ZNF860: variants seen among roughly 807,000 people sequenced by gnomAD.
ZNF860 encodes the protein zinc finger protein 860.
For missense variants in ZNF860, 641 were observed against 759.2 expected, an observed-to-expected ratio of 0.84 and a Z score of 1.83; for synonymous variants, 206 against 248.9, an observed-to-expected ratio of 0.83 and a Z score of 1.62.
At chr3:31,995,763 C>T (rs912554642), downstream of ZNF860, among the ~76,000 whole-genome samples, 1 of 152,162 alleles carries the variant, frequency 6.6e-6, no homozygotes, top group Non-Finnish European at 1.5e-5. Context: ...TCTGCTGAGG[C>T]TCCAGCCGGT....
the ZNF860 span, among the ~76,000 whole-genome samples, chr3:32,004,993 TC>T: frequency 6.6e-6 from 1 of 152,344 alleles, no homozygotes; most frequent in East Asian, 1.9e-4. Context: ...TAGGATGGCA[TC>T]TTTATAAAAT....
At chr3:31,985,824 G>A (rs1424387806) in intron 1 of ZNF860, among the ~76,000 whole-genome samples, 2 of 152,192 alleles carry the variant, frequency 1.3e-5, no homozygotes, top group Non-Finnish European at 2.9e-5. Flanking sequence ...TCTGCTTTAA[G>A]TGTTTTACAC....
downstream of ZNF860, among the ~76,000 whole-genome samples, chr3:31,996,220 A>C (rs1019752153): frequency 6.6e-6 from 1 of 152,228 alleles, no homozygotes; most frequent in African/African-American, 2.4e-5. Flanking sequence ...TTCTAGAGAC[A>C]TAAAAGGGGG....
intron 1 of ZNF860, among the ~76,000 whole-genome samples, chr3:31,986,600 TTA>T (rs1428927816): frequency 2.6e-5 from 4 of 152,040 alleles, no homozygotes; most frequent in African/African-American, 7.3e-5. Flanking sequence ...AAAAAAAAGT[TTA>T]TATTTTTTTA....
Position 31,990,795 on chromosome 3 carries a change from C to G in ZNF860, c.1716C>G (p.Asp572Glu). 4 of 1,610,142 alleles carry G rather than the reference C, an allele frequency of 2.5e-6. No individual in the cohort carries two copies. Among genetic ancestry groups the G allele is most frequent in the Non-Finnish European group, 3.4e-6 (4 of 1,177,830 alleles). ...GEKPYKCDDFDEAFSQASSYA... is the reference protein window; with the variant it reads ...GEKPYKCDDFEEAFSQASSYA... ...AACCTTACAAATGTGATGATTTTGA[C>G]GAGGCCTTCAGTCAAGCTTCATCTT... Residue 572 changes from aspartate (D) to glutamate (E), a missense_variant, in exon 2 of 2, where the codon GAC becomes GAG. Asp to Glu is a conservative substitution (Grantham distance 45). Coordinates refer to ENST00000360311, the MANE Select transcript of ZNF860 (RefSeq NM_001137674.3).
intron 1 of ZNF860, among the ~76,000 whole-genome samples, chr3:31,986,746 C>A (rs1022017011): frequency 3.3e-5 from 5 of 152,104 alleles, no homozygotes; most frequent in African/African-American, 1.2e-4. Context: ...TGCAGTAGCT[C>A]ATGCATATAA....
chr3:31,990,872 A>T lies in ZNF860; in HGVS notation c.1793A>T (p.Asp598Val). The T allele has an allele frequency of 6.3e-7, 1 of 1,576,942 alleles. No individual in the cohort carries two copies. Among genetic ancestry groups the T allele is most frequent in the Non-Finnish European group, 8.6e-7 (1 of 1,160,008 alleles). ...GGAGAGAAACATCACAAGTGTGATG[A>T]TTGTGGCAAAGCCTTTACTTCACAT... is the stretch of plus-strand genomic sequence containing the variant. ...HMGEKHHKCD[D>V]CGKAFTSHSH... Residue 598 changes from aspartate (D) to valine (V), a missense_variant, in exon 2 of 2, where the codon GAT (aspartate) becomes GTT (valine). Coordinates refer to ENST00000360311, the MANE Select transcript of ZNF860 (RefSeq NM_001137674.3).
chr3:31,986,442 G>A, intron 1 of ZNF860: 1 of 152,238 alleles, frequency 6.6e-6, no homozygotes, highest in Non-Finnish European at 1.5e-5. Flanking sequence ...TGAATAAACA[G>A]CTCCATTAAG....
At chr3:31,986,802 C>T (rs1231179426) in intron 1 of ZNF860, among the ~76,000 whole-genome samples, 2 of 151,928 alleles carry the variant, frequency 1.3e-5, no homozygotes, top group Non-Finnish European at 2.9e-5. Context: ...CCCAGGAGTT[C>T]CAGACCAGCC....
the ZNF860 span, among the ~76,000 whole-genome samples, chr3:32,005,300 C>G: frequency 6.6e-6 from 1 of 152,166 alleles, no homozygotes; most frequent in Admixed American, 6.5e-5. Context: ...TAGGGCCTAA[C>G]TGCTGGAAAG....
chr3:31,992,201 T>C (rs140630677), downstream of ZNF860, among the ~76,000 whole-genome samples: 20 of 149,804 alleles, frequency 1.3e-4, no homozygotes, highest in East Asian at 3.3e-3. Flanking sequence ...TATGGACACA[T>C]AGAAATATGG....
At chr3:31,985,640 C>T (rs911724546) in intron 1 of ZNF860, among the ~76,000 whole-genome samples, 2 of 152,064 alleles carry the variant, frequency 1.3e-5, no homozygotes, top group Non-Finnish European at 2.9e-5. Flanking sequence ...ACTTCATTGG[C>T]CAGATGACAG....
chr3:32,005,316 C>T, the ZNF860 span, among the ~76,000 whole-genome samples: 2 of 152,120 alleles, frequency 1.3e-5, no homozygotes, highest in Non-Finnish European at 2.9e-5. Context: ...GAAAGTATTC[C>T]ACAGGTTGTA....
chr3:32,000,095 T>A, the ZNF860 span, among the ~76,000 whole-genome samples: 10 of 152,332 alleles, frequency 6.6e-5, no homozygotes, highest in East Asian at 1.9e-3. Flanking sequence ...TCAGCCTTCA[T>A]TTCCTCTGTC....
At chr3:32,005,164 C>T in the ZNF860 span, among the ~76,000 whole-genome samples, 4 of 152,206 alleles carry the variant, frequency 2.6e-5, no homozygotes, top group East Asian at 1.9e-4. Flanking sequence ...CACCCATCAA[C>T]GCGTCATCTA....
chr3:31,988,116 T>C (rs918357130), intron 1 of ZNF860, among the ~76,000 whole-genome samples: 3 of 152,206 alleles, frequency 2.0e-5, no homozygotes, highest in African/African-American at 7.2e-5. Context: ...CACTGATCGC[T>C]TTGCACCTCC....
At chr3:31,985,339 A>AT (rs34670956) in intron 1 of ZNF860, among the ~76,000 whole-genome samples, 4 of 152,252 alleles carry the variant, frequency 2.6e-5, no homozygotes, top group African/African-American at 9.6e-5. Flanking sequence ...CTTAGAAAAA[A>AT]TTTTAAACGT....
At chr3:31,998,037 C>T in the ZNF860 span, among the ~76,000 whole-genome samples, 1 of 152,126 alleles carries the variant, frequency 6.6e-6, no homozygotes, top group African/African-American at 2.4e-5. Context: ...AAGCAGTCCT[C>T]CCGCCTCGGC....
In ZNF860 at chr3:31,991,092, C is replaced by T; in HGVS notation, c.*114C>T. The T allele has an allele frequency of 9.5e-7, 1 of 1,049,944 alleles. No homozygotes were observed. Among genetic ancestry groups the T allele is most frequent in the Non-Finnish European group, 1.4e-6 (1 of 721,148 alleles). 65.0% of individuals were successfully genotyped at this position (1,049,944 alleles called of 1,614,324 possible). On this transcript the variant is annotated 3_prime_UTR_variant, in exon 2 of 2. Transcript: ENST00000360311. ...GACATTAGAGTCAATTCAGCATTGA[C>T]TTGAGTTTCAGTTGACTTGACATTG... is the stretch of plus-strand genomic sequence containing the variant.
Sources: gnomAD v4.1 joint callset for allele counts (sites outside exome capture counted in the v4.1 genomes callset) on GRCh38, gnomAD v4.1.1 for gene constraint, MANE v1.5 for transcripts, NCBI Gene and HGNC (gene_info 2026-07-23, HGNC 2026-07-21) for gene names.